The following ARCN1 variants were observed in gnomAD, a reference collection of about 807,000 sequenced individuals.
ARCN1 encodes the protein coatomer subunit delta.
In ARCN1, 5 loss-of-function variants were observed where a neutral mutation model predicts 60.4. That is an observed-to-expected ratio of 0.08 (90% CI 0.04 to 0.17). ARCN1 has a LOEUF of 0.17. Among genes scored for constraint, ARCN1 ranks in the 10% least tolerant of loss-of-function variants. ARCN1 has a pLI of 1.00. For synonymous variants in ARCN1, 224 were observed against 220.0 expected (o/e 1.02, Z -0.16); for missense variants, 464 against 626.5 (o/e 0.74, Z 2.77).
chr11:118,585,062 G>T (rs1468772261), intron 5 of ARCN1, among the ~76,000 whole-genome samples: 3 of 152,068 alleles, frequency 2.0e-5, no homozygotes, highest in Admixed American at 2.0e-4. Flanking sequence ...TCCTGACCTT[G>T]TGATCCGCCT....
At chr11:118,597,282 C>G (rs1360890886) in intron 8 of ARCN1, among the ~76,000 whole-genome samples, 1 of 152,154 alleles carries the variant, frequency 6.6e-6, no homozygotes, top group Non-Finnish European at 1.5e-5. Context: ...AGAGTTTTCC[C>G]CCACTATTAT....
chr11:118,581,411 G>A lies in ARCN1; in HGVS notation c.169G>A (p.Val57Ile). 6.2e-7 allele frequency: 1 copy of A among 1,614,166 alleles called. No homozygotes were observed. The highest frequency in any genetic ancestry group is 8.5e-7 in the Non-Finnish European group (1 of 1,180,030). ...TGTTGAAACAGAGAGTGTAAGATATGTCTACCAGCCTATGGAGAAACTGTA... is the reference window on the plus strand; with the variant it reads ...TGTTGAAACAGAGAGTGTAAGATATATCTACCAGCCTATGGAGAAACTGTA... ...TFVETESVRY[V>I]YQPMEKLYMV... is the part of the protein sequence containing the mutation. Residue 57 changes from valine to isoleucine, a missense_variant, in exon 2 of 10, where the codon GTC becomes ATC. Val to Ile is a conservative substitution (Grantham distance 29). Around this residue, in one of 2 missense-constraint regions of ARCN1, gnomAD observed 105 missense variants for 186.3 expected, o/e 0.56. Coordinates refer to ENST00000264028, the MANE Select transcript of ARCN1 (RefSeq NM_001655.5).
chr11:118,572,448 G>C lies in ARCN1; in HGVS notation c.-100G>C, dbSNP rs541528540. The C allele has an allele frequency of 4.1e-5, 54 of 1,313,606 alleles. No individual in the cohort carries two copies. In the African/African-American group the frequency reaches 5.2e-4, roughly 13 times the overall value. The allele number at this position is 1,313,606 out of a possible 1,614,324, so 81.4% of individuals were successfully genotyped here. A position where few individuals can be genotyped will look rare whatever the true frequency, so the allele number is the denominator to read the frequency against. On this transcript the variant is annotated 5_prime_UTR_variant, in exon 1 of 10. Coordinates refer to ENST00000264028, the MANE Select transcript of ARCN1 (RefSeq NM_001655.5). Reference sequence around the variant, plus strand: ...CGAAGCGGCAGCGGTTCCTGTCAAGGGGGCAGCAGGTCCAGAGCTGCTGGT... The same window carrying C: ...CGAAGCGGCAGCGGTTCCTGTCAAGCGGGCAGCAGGTCCAGAGCTGCTGGT...
rs1231427748 is a variant in ARCN1, at chr11:118,583,943, C to T, written c.582C>T (p.Gly194=). ...GGFGSSAVSG[G]STAAMITETI... ...TTGGCAGCTCTGCAGTATCTGGAGG[C>T]AGCACAGCTGCCATGATCACAGAGA... Residue 194 remains glycine (G), a synonymous_variant, in exon 4 of 10, where the codon GGC becomes GGT. Coordinates refer to ENST00000264028, the MANE Select transcript of ARCN1 (RefSeq NM_001655.5). The T allele has an allele frequency of 1.9e-6, 3 of 1,614,220 alleles. No individual in the cohort carries two copies. Among genetic ancestry groups the T allele is most frequent in the Non-Finnish European group, 2.5e-6 (3 of 1,180,048 alleles).
At chr11:118,586,003 A>G (rs1389093004) in intron 5 of ARCN1, among the ~76,000 whole-genome samples, 1 of 152,170 alleles carries the variant, frequency 6.6e-6, no homozygotes, top group Non-Finnish European at 1.5e-5. Flanking sequence ...ACTGTTGCTG[A>G]TGGTTTTGAG....
chr11:118,598,300 GA>G (rs1202645398), intron 9 of ARCN1, among the ~76,000 whole-genome samples: 2 of 151,238 alleles, frequency 1.3e-5, no homozygotes. Context: ...CCCAAAGAAT[GA>G]AATTGTTTTA....
At chr11:118,574,615 T>TA (rs1173108263) in intron 1 of ARCN1, among the ~76,000 whole-genome samples, 1 of 152,146 alleles carries the variant, frequency 6.6e-6, no homozygotes, top group African/African-American at 2.4e-5. Context: ...TTTTAAAAAA[T>TA]AAATTCCCTT....
Position 118,572,511 on chromosome 11 carries a change from A to G in ARCN1, c.-37A>G, listed in dbSNP as rs782055565. The G allele has an allele frequency of 6.2e-7, 1 of 1,611,010 alleles. No individual in the cohort carries two copies. The highest frequency in any genetic ancestry group is 1.1e-5 in the South Asian group (1 of 90,598). Reference sequence around the variant, plus strand: ...CAGACCCTACCCCTATCCCCAGTGGAGCCGGAGTGCGGGCGCGCCCCACCA... The same window carrying G: ...CAGACCCTACCCCTATCCCCAGTGGGGCCGGAGTGCGGGCGCGCCCCACCA... On this transcript the variant is annotated 5_prime_UTR_variant, in exon 1 of 10. Transcript: ENST00000264028.
rs933556603 is a variant in ARCN1 at position 118,601,053 on chromosome 11, A to T, written c.*339A>T. On this transcript the variant is annotated 3_prime_UTR_variant, in exon 10 of 10. Transcript: ENST00000264028. ...GTTGCTCCTTTATTTTTATTTTATT[A>T]TTATTATTATTATTATTATTATTTT... The T allele has an allele frequency of 6.9e-6, 1 of 144,744 alleles. No homozygotes were observed. The highest frequency in any genetic ancestry group is 1.5e-5 in the Non-Finnish European group (1 of 67,422). The allele number at this position is 144,744 out of a possible 1,614,324, so 9.0% of individuals were successfully genotyped here.
rs1938367698 is a variant in ARCN1 at position 118,572,516 on chromosome 11, G to C, written c.-32G>C. 6.2e-7 allele frequency: 1 copy of C among 1,611,150 alleles called. No homozygotes were observed. Among genetic ancestry groups the C allele is most frequent in the African/African-American group, 1.3e-5 (1 of 74,860 alleles). On this transcript the variant is annotated 5_prime_UTR_variant, in exon 1 of 10. Transcript: ENST00000264028. ...CCTACCCCTATCCCCAGTGGAGCCG[G>C]AGTGCGGGCGCGCCCCACCACCGCC... is the stretch of plus-strand genomic sequence containing the variant.
Position 118,583,230 on chromosome 11 carries a change from T to C in ARCN1, c.319T>C (p.Phe107Leu), listed in dbSNP as rs1311624377. 5.6e-6 allele frequency: 9 copies of C among 1,614,132 alleles called. No individual in the cohort carries two copies. The highest frequency in any genetic ancestry group is 7.6e-6 in the Non-Finnish European group (9 of 1,180,002). Reference protein sequence around the residue: ...LEENEISEHCFDLIFAFDEIV... With the variant: ...LEENEISEHCLDLIFAFDEIV... ...AGAGAATGAAATATCTGAGCACTGT[T>C]TTGATTTGATTTTTGCTTTTGATGA... The change falls in exon 3 of 10, where the codon TTT becomes CTT. Residue 107 changes from phenylalanine (F) to leucine (L), a missense_variant. Phe to Leu is a conservative substitution (Grantham distance 22). Transcript: ENST00000264028.
At chr11:118,598,488 A>ATTTTT (rs1174732773) in intron 9 of ARCN1, among the ~76,000 whole-genome samples, 6 of 111,122 alleles carry the variant, frequency 5.4e-5, no homozygotes, top group Admixed American at 9.5e-5. Context: ...GTTCCTTCGG[A>ATTTTT]TTTTTTTTTT....
At position 118,590,030 on chromosome 11, in the gene ARCN1, C is replaced by G. The variant is rs190936162; in HGVS notation, c.819-311C>G. ...TTATTTTTTGAGACAGAGTTTCACT[C>G]TTGTTGCCCAGGCTGGAGTGCAGTG... On this transcript the variant is annotated intron_variant, in intron 5 of 9. Transcript: ENST00000264028. 2.2e-3 allele frequency among the ~76,000 whole-genome samples: 334 copies of G among 151,502 alleles called. 2 individuals carry two copies. The highest frequency in any genetic ancestry group is 7.9e-3 in the African/African-American group (326 of 41,304).
intron 8 of ARCN1, among the ~76,000 whole-genome samples, chr11:118,597,073 G>A (rs1025283371): frequency 6.6e-6 from 1 of 152,190 alleles, no homozygotes; most frequent in Non-Finnish European, 1.5e-5. Context: ...TGGGCGTGGC[G>A]GCACACGCCT....
Position 118,583,060 on chromosome 11 carries a change from A to G in ARCN1, c.268-119A>G. On this transcript the variant is annotated intron_variant, in intron 2 of 9. Transcript: ENST00000264028. ...TGTCCCAAAAAATAAAATAAAGACT[A>G]GAAGTAGCTAATAAAGGGATTTAGG... 1.7e-6 allele frequency: 2 copies of G among 1,166,112 alleles called. 1 individual carries two copies. Among genetic ancestry groups the G allele is most frequent in the South Asian group, 2.7e-5 (2 of 73,440 alleles). The allele number at this position is 1,166,112 out of a possible 1,614,324, so 72.2% of individuals were successfully genotyped here. A position where few individuals can be genotyped will look rare whatever the true frequency, so the allele number is the denominator to read the frequency against.
intron 8 of ARCN1, among the ~76,000 whole-genome samples, chr11:118,596,346 T>C (rs564678081): frequency 6.6e-6 from 1 of 152,354 alleles, no homozygotes; most frequent in Admixed American, 6.5e-5. Flanking sequence ...ATTTATAGAA[T>C]GCTACAATTT....
intron 8 of ARCN1, among the ~76,000 whole-genome samples, chr11:118,595,508 A>G (rs140383519): frequency 6.6e-6 from 1 of 152,228 alleles, no homozygotes; most frequent in Admixed American, 6.5e-5. Context: ...CAAAAATGTC[A>G]TGTCAACCCC....
At chr11:118,576,865 T>G (rs9736327) in intron 1 of ARCN1, among the ~76,000 whole-genome samples, 25,219 of 152,100 alleles carry the variant, frequency 0.17, 2,662 homozygotes, top group East Asian at 0.53. Context: ...TTACCCTACT[T>G]CTTTCTTCAT....
intron 4 of ARCN1, 109 bp from the exon 5 acceptor site, chr11:118,584,371 T>G: frequency 1.0e-6 from 1 of 976,326 alleles, no homozygotes; most frequent in South Asian, 1.9e-5. Context: ...TATACAAAAT[T>G]TTGTGCACAG....
Sources: allele counts gnomAD v4.1 joint callset (sites outside exome capture counted in the v4.1 genomes callset), GRCh38; gene constraint gnomAD v4.1.1; regional missense constraint gnomAD v4.1.1; transcripts MANE v1.5; gene names NCBI Gene and HGNC (gene_info 2026-07-23, HGNC 2026-07-21).